TSGA10: variants seen among roughly 807,000 people sequenced by gnomAD.
TSGA10 encodes testis-specific gene 10 protein.
TSGA10 carries 43 observed loss-of-function variants against 96.6 expected under a neutral mutation model. The ratio of observed to expected loss-of-function variants is 0.44; its 90% CI spans 0.35 to 0.57. The LOEUF is 0.57. Ranked by LOEUF, TSGA10 falls within the 20% of genes least tolerant of loss-of-function variation. The pLI, the probability that TSGA10 is intolerant of heterozygous loss-of-function variation, is 0.01. For synonymous variants in TSGA10, 229 were observed against 269.9 expected (o/e 0.85, Z 1.48); for missense variants, 703 against 834.4 (o/e 0.84, Z 1.94).
intron 16 of TSGA10, among the ~76,000 whole-genome samples, chr2:99,061,494 T>C (rs1459377489): frequency 6.6e-6 from 1 of 152,192 alleles, no homozygotes; most frequent in Non-Finnish European, 1.5e-5. Context: ...TTAGACTCTT[T>C]TAGTTATTTT....
rs531943626 is a variant in TSGA10, at chr2:99,066,354, C to T, written c.1219-1230G>A. On this transcript the variant is annotated intron_variant, in intron 15 of 20. Coordinates refer to ENST00000393483, the MANE Select transcript of TSGA10 (RefSeq NM_025244.4). ...TTGTACTAACAATCATAGTTGTGTA[C>T]AGAGTATGTACTTGGAGGGTGCTTG... Among the ~76,000 whole-genome samples, 15 of 152,266 alleles carry T rather than the reference C, an allele frequency of 9.9e-5. No individual in the cohort carries two copies. The South Asian group carries it at 3.1e-3, about 32-fold the overall frequency.
At chr2:99,110,819 C>T (rs1332132612) in intron 5 of TSGA10, 31 bp downstream of exon 5, 9 of 554,634 alleles carry the variant, frequency 1.6e-5, no homozygotes, top group East Asian at 2.9e-4. Flanking sequence ...AAAATGATTC[C>T]GTAACACATA....
At chr2:99,092,449 T>C (rs1442096589) in intron 10 of TSGA10, among the ~76,000 whole-genome samples, 3 of 151,678 alleles carry the variant, frequency 2.0e-5, no homozygotes, top group Non-Finnish European at 4.4e-5. Flanking sequence ...CAAAATGAAA[T>C]GAAATTGCAA....
At chr2:99,137,675 G>T (rs988450718) in intron 1 of TSGA10, among the ~76,000 whole-genome samples, 1 of 152,122 alleles carries the variant, frequency 6.6e-6, no homozygotes, top group Non-Finnish European at 1.5e-5. Flanking sequence ...AGTGGAAGCG[G>T]AAAGATAGCA....
chr2:99,132,575 T>C, intron 1 of TSGA10, among the ~76,000 whole-genome samples: 1 of 152,166 alleles, frequency 6.6e-6, no homozygotes, highest in Admixed American at 6.5e-5. Context: ...GATTCATTGA[T>C]TTTTTGAAGG....
chr2:99,102,654 T>C, intron 10 of TSGA10: 1 of 1,614,076 alleles, frequency 6.2e-7, no homozygotes, highest in South Asian at 1.1e-5. Flanking sequence ...AGCTGACAAA[T>C]TCTATGGTGT....
At position 99,069,002 on chromosome 2, in the gene TSGA10, C is replaced by T. The variant is rs766342232; in HGVS notation, c.1108-4G>A. 28 of 1,398,052 alleles carry T rather than the reference C, an allele frequency of 2.0e-5. 1 individual carries two copies. The highest frequency in any genetic ancestry group is 1.8e-4 in the South Asian group (10 of 55,468). The allele number at this position is 1,398,052 out of a possible 1,614,324, so 86.6% of individuals were successfully genotyped here. On this transcript the variant is annotated splice_polypyrimidine_tract_variant and splice_region_variant and intron_variant, in intron 14 of 20. Coordinates refer to ENST00000393483, the MANE Select transcript of TSGA10 (RefSeq NM_025244.4). ...CATTCAATTTTTTGGACAGTGCCTA[C>T]GAAAAAAAGATAGGTATATTTGACT...
At chr2:99,034,935 T>C (rs1391308700) in intron 17 of TSGA10, among the ~76,000 whole-genome samples, 1 of 152,154 alleles carries the variant, frequency 6.6e-6, no homozygotes, top group Non-Finnish European at 1.5e-5. Context: ...AGTTACAATT[T>C]AGCTAAATAA....
chr2:99,046,784 C>A (rs374053115), intron 16 of TSGA10, among the ~76,000 whole-genome samples: 2 of 151,886 alleles, frequency 1.3e-5, no homozygotes, highest in Non-Finnish European at 2.9e-5. Flanking sequence ...GAATCCAGGA[C>A]CTGGTTTTTT....
At chr2:99,024,339 C>T (rs1036685420) in intron 17 of TSGA10, among the ~76,000 whole-genome samples, 7 of 152,142 alleles carry the variant, frequency 4.6e-5, no homozygotes, top group African/African-American at 7.2e-5. Flanking sequence ...CTGCCCACCT[C>T]GGCCTCCCAA....
intron 20 of TSGA10, among the ~76,000 whole-genome samples, chr2:99,000,851 C>G (rs1280234115): frequency 6.6e-6 from 1 of 152,142 alleles, no homozygotes; most frequent in Admixed American, 6.5e-5. Context: ...GGGTCCCACA[C>G]CCATGGACCC....
At chr2:99,085,452 T>G (rs1443057141) in intron 10 of TSGA10, among the ~76,000 whole-genome samples, 1 of 150,804 alleles carries the variant, frequency 6.6e-6, no homozygotes, top group East Asian at 2.0e-4. Context: ...TAAAAATTTT[T>G]TTAAAAATTA....
chr2:99,121,643 G>A (rs2092579422), intron 2 of TSGA10, among the ~76,000 whole-genome samples: 1 of 151,618 alleles, frequency 6.6e-6, no homozygotes, highest in African/African-American at 2.4e-5. Flanking sequence ...GATAATTTGT[G>A]TAATTTTTAG....
chr2:99,144,436 G>A (rs143575527), intron 1 of TSGA10, among the ~76,000 whole-genome samples: 1,635 of 151,510 alleles, frequency 0.011, 9 homozygotes, highest in Middle Eastern at 0.027. Flanking sequence ...TCACTCTCCC[G>A]AACTGCCTGT....
In TSGA10 at chr2:99,109,468, T is replaced by C. The variant is rs530508741; in HGVS notation, c.-29A>G. 1.9e-5 allele frequency: 30 copies of C among 1,610,744 alleles called. No homozygotes were observed. Among genetic ancestry groups the C allele is most frequent in the Middle Eastern group, 1.7e-4 (1 of 6,034 alleles). ...TCTCAAATGTTGAGCTTCACTCTTATAGTGATCTTTGTCTGCTTCCAAAGT... is the reference window on the plus strand; with the variant it reads ...TCTCAAATGTTGAGCTTCACTCTTACAGTGATCTTTGTCTGCTTCCAAAGT... On this transcript the variant is annotated 5_prime_UTR_variant, in exon 6 of 21. Coordinates refer to ENST00000393483, the MANE Select transcript of TSGA10 (RefSeq NM_025244.4).
intron 16 of TSGA10, among the ~76,000 whole-genome samples, chr2:99,038,509 T>C (rs2081877725): frequency 6.6e-6 from 1 of 152,162 alleles, no homozygotes; most frequent in East Asian, 1.9e-4. Context: ...GTAGCTATTC[T>C]TATATCAGAC....
At chr2:99,010,049 A>G (rs906297752) in intron 20 of TSGA10, among the ~76,000 whole-genome samples, 1 of 152,258 alleles carries the variant, frequency 6.6e-6, no homozygotes, top group African/African-American at 2.4e-5. Flanking sequence ...TTTGTGATAC[A>G]TAGAAATATA....
intron 20 of TSGA10, among the ~76,000 whole-genome samples, chr2:99,006,821 T>C (rs2078523391): frequency 6.6e-6 from 1 of 152,240 alleles, no homozygotes; most frequent in Non-Finnish European, 1.5e-5. Flanking sequence ...TTATAAATCA[T>C]GCTATTACAA....
At chr2:99,025,275 A>G (rs1450979429) in intron 17 of TSGA10, among the ~76,000 whole-genome samples, 1 of 152,154 alleles carries the variant, frequency 6.6e-6, no homozygotes, top group Non-Finnish European at 1.5e-5. Flanking sequence ...TACTTTATGG[A>G]AGTTTAAAAA....
Sources: allele counts gnomAD v4.1 joint callset (sites outside exome capture counted in the v4.1 genomes callset), GRCh38; gene constraint gnomAD v4.1.1; transcripts MANE v1.5; gene names NCBI Gene and HGNC (gene_info 2026-07-23, HGNC 2026-07-21).